FYCO1: variants seen among roughly 807,000 people sequenced by gnomAD.
FYCO1 encodes FYVE and coiled-coil domain autophagy adaptor 1.
In FYCO1, 122 loss-of-function variants were observed where a neutral mutation model predicts 165.1. The ratio of observed to expected loss-of-function variants is 0.74; its 90% CI spans 0.64 to 0.86. FYCO1 has a LOEUF of 0.86. Among genes scored for constraint, FYCO1 ranks in the 40% least tolerant of loss-of-function variants. The pLI, the probability that FYCO1 is intolerant of heterozygous loss-of-function variation, is 0.00. For missense variants in FYCO1, 1,702 were observed against 1,810.3 expected, an observed-to-expected ratio of 0.94 and a Z score of 1.09; for synonymous variants, 648 against 742.5, an observed-to-expected ratio of 0.87 and a Z score of 2.07.
chr3:45,975,156 G>A, intron 5 of FYCO1, 83 bp downstream of exon 5: 1 of 928,430 alleles, frequency 1.1e-6, no homozygotes, highest in African/African-American at 1.6e-5. Flanking sequence ...GAGCACTACT[G>A]TTGCAGCTGT....
intron 1 of FYCO1, among the ~76,000 whole-genome samples, chr3:45,992,487 G>A (rs913467082): frequency 6.6e-6 from 1 of 152,182 alleles, no homozygotes; most frequent in Non-Finnish European, 1.5e-5. Context: ...GACTAGTTAC[G>A]TGAACTTTCC....
At chr3:45,946,898 C>T in intron 14 of FYCO1, 2 of 1,614,246 alleles carry the variant, frequency 1.2e-6, no homozygotes, top group Non-Finnish European at 1.7e-6. Context: ...AGGCCTACAA[C>T]CAGCAAGCCA....
intron 14 of FYCO1, among the ~76,000 whole-genome samples, chr3:45,937,095 G>A (rs1357753080): frequency 2.0e-5 from 3 of 152,214 alleles, no homozygotes; most frequent in Non-Finnish European, 4.4e-5. Flanking sequence ...CAGAACTGGA[G>A]CCAGAACTAG....
intron 14 of FYCO1, among the ~76,000 whole-genome samples, chr3:45,941,901 G>A (rs780930373): frequency 1.3e-5 from 2 of 152,212 alleles, no homozygotes; most frequent in South Asian, 4.1e-4. Flanking sequence ...GTCAGGCAGG[G>A]TTACATTAAA....
At position 45,966,507 on chromosome 3, in the gene FYCO1, C is replaced by A; in HGVS notation, c.2827G>T (p.Glu943Ter). 6.2e-7 allele frequency: 1 copy of A among 1,612,876 alleles called. No homozygotes were observed. The highest frequency in any genetic ancestry group is 8.5e-7 in the Non-Finnish European group (1 of 1,178,954). Residue 943 changes from glutamate to a stop codon, truncating the protein, a stop_gained, in exon 8 of 18, where the codon GAG becomes TAG. Transcript: ENST00000296137. LOFTEE classifies it high-confidence loss of function. ...LQDAKEAASREREGLERQVAG... is the reference protein window; with the variant it reads ...LQDAKEAASR ...ACTTGGCGCTCCAGGCCCTCTCGCT[C>A]CCTTGAGGCTGCCTCTTTGGCGTCC...
At chr3:45,952,896 G>A (rs58460482) in intron 14 of FYCO1, among the ~76,000 whole-genome samples, 13,768 of 152,190 alleles carry the variant, frequency 0.09, 2,165 homozygotes, top group African/African-American at 0.32. Flanking sequence ...CTAGTGGAAT[G>A]GAACATGCCC....
chr3:45,921,816 A>G lies in FYCO1; in HGVS notation c.4386T>C (p.Tyr1462=). 1 of 1,612,732 alleles carries G rather than the reference A, an allele frequency of 6.2e-7. No individual in the cohort carries two copies. Among genetic ancestry groups the G allele is most frequent in the Non-Finnish European group, 8.5e-7 (1 of 1,178,688 alleles). ...TCACAGGCCGATCAACCGTCAAGTG[A>G]TAAAATACCTTTTTAGAGACAAACC... ...FSRFVSKKVF[Y]HLTVDRPVIY... Residue 1462 remains tyrosine, a synonymous_variant, in exon 18 of 18, where the codon TAT becomes TAC. Transcript: ENST00000296137.
intron 4 of FYCO1, 81 bp from the exon 5 acceptor site, chr3:45,975,426 A>G: frequency 9.2e-7 from 1 of 1,086,018 alleles, no homozygotes; most frequent in South Asian, 1.3e-5. Flanking sequence ...ATGGCTTGTG[A>G]AACACAGATA....
Position 45,967,970 on chromosome 3 carries a change from A to G in FYCO1, c.1364T>C (p.Leu455Pro). 2 of 1,613,998 alleles carry G rather than the reference A, an allele frequency of 1.2e-6. No homozygotes were observed. Among genetic ancestry groups the G allele is most frequent in the Middle Eastern group, 1.6e-4 (1 of 6,062 alleles). ...LERLVKEMAP[L>P]QEELSGKGQE... ...TCCCTTCCCAGACAACTCCTCCTGG[A>G]GTGGGGCCATCTCCTTCACCAGGCG... The change falls in exon 8 of 18, where the codon CTC (leucine) becomes CCC (proline). Residue 455 changes from leucine (L) to proline (P), a missense_variant. By Grantham distance (98) the Leu-to-Pro change is moderately conservative. Transcript: ENST00000296137.
At position 45,968,649 on chromosome 3, in the gene FYCO1, A is replaced by G; in HGVS notation, c.685T>C (p.Leu229=). The G allele has an allele frequency of 6.2e-7, 1 of 1,614,036 alleles. No homozygotes were observed. The highest frequency in any genetic ancestry group is 8.5e-7 in the Non-Finnish European group (1 of 1,180,002). The change falls in exon 8 of 18, where the codon TTG becomes CTG. Residue 229 remains leucine, a synonymous_variant. Transcript: ENST00000296137. Reference sequence around the variant, plus strand: ...AGTCGCATCTCATCAAAGCCCTCCAATGCCTCGTTGTTTAGGGGGCTGTTC... The same window carrying G: ...AGTCGCATCTCATCAAAGCCCTCCAGTGCCTCGTTGTTTAGGGGGCTGTTC... ...DLNSPLNNEA[L]EGFDEMRLEL... is the part of the protein sequence containing the mutation.
intron 14 of FYCO1, chr3:45,946,973 G>A: frequency 6.2e-7 from 1 of 1,614,178 alleles, no homozygotes; most frequent in Non-Finnish European, 8.5e-7. Flanking sequence ...TGGTTTCCTT[G>A]CCCCAAATTA....
chr3:45,994,171 G>C (rs1215578112), intron 1 of FYCO1, among the ~76,000 whole-genome samples: 4 of 150,224 alleles, frequency 2.7e-5, no homozygotes, highest in African/African-American at 9.8e-5. Flanking sequence ...CGGAACAACA[G>C]CTAAAGGATC....
At position 45,981,286 on chromosome 3, in the gene FYCO1, A is replaced by T. The variant is rs372067752; in HGVS notation, c.162+284T>A. 4.1e-4 allele frequency among the ~76,000 whole-genome samples: 63 copies of T among 152,324 alleles called. No individual in the cohort carries two copies. The East Asian group carries it at 5.0e-3, about 12-fold the overall frequency. ...GGTATGTAACTGTCCCAAAGTTAAG[A>T]TCTTTGCCATACAGTAACCTTCTGA... On this transcript the variant is annotated intron_variant, in intron 3 of 17. Coordinates refer to ENST00000296137, the MANE Select transcript of FYCO1 (RefSeq NM_024513.4).
chr3:45,990,190 T>C (rs967094133), intron 1 of FYCO1, among the ~76,000 whole-genome samples: 4 of 152,160 alleles, frequency 2.6e-5, no homozygotes, highest in East Asian at 1.9e-4. Flanking sequence ...AACATGGCCT[T>C]GAGGAAGCAG....
chr3:45,964,484 C>T lies in FYCO1; in HGVS notation c.3151-30G>A. ...CACAGGACGTCAGGGAGAAGACACTCAGCTTGCAGAAGGCCATGCAACGTA... is the reference window on the plus strand; with the variant it reads ...CACAGGACGTCAGGGAGAAGACACTTAGCTTGCAGAAGGCCATGCAACGTA... On this transcript the variant is annotated intron_variant, in intron 9 of 17. Transcript: ENST00000296137. This position sits in a 1 kb window ranked among gnomAD's most constrained non-coding sequence, Gnocchi z 4.1. The T allele has an allele frequency of 6.2e-7, 1 of 1,613,056 alleles. No individual in the cohort carries two copies. The highest frequency in any genetic ancestry group is 1.1e-5 in the South Asian group (1 of 90,918).
chr3:45,918,072 G>C lies in FYCO1; in HGVS notation c.*3693C>G, dbSNP rs942206087. 2 of 152,594 alleles carry C rather than the reference G, an allele frequency of 1.3e-5. No individual in the cohort carries two copies. Among genetic ancestry groups the C allele is most frequent in the Admixed American group, 6.5e-5 (1 of 15,282 alleles). The allele number at this position is 152,594 out of a possible 1,614,324, so 9.5% of individuals were successfully genotyped here. A position where few individuals can be genotyped will look rare whatever the true frequency, so the allele number is the denominator to read the frequency against. On this transcript the variant is annotated 3_prime_UTR_variant, in exon 18 of 18. Coordinates refer to ENST00000296137, the MANE Select transcript of FYCO1 (RefSeq NM_024513.4). ...TGTGCTTCTAGATAATTCTTTGGCAGATAAGAATGAATTGGGGTCCCAGAC... is the reference window on the plus strand; with the variant it reads ...TGTGCTTCTAGATAATTCTTTGGCACATAAGAATGAATTGGGGTCCCAGAC...
At chr3:45,928,073 AG>A (rs1297270079) in intron 16 of FYCO1, among the ~76,000 whole-genome samples, 1 of 152,210 alleles carries the variant, frequency 6.6e-6, no homozygotes, top group African/African-American at 2.4e-5. Context: ...AAAATAGATT[AG>A]TGGTCACTGG....
At position 45,921,594 on chromosome 3, in the gene FYCO1, C is replaced by T. The variant is rs1368200580; in HGVS notation, c.*171G>A. The T allele has an allele frequency of 2.0e-5, 13 of 648,230 alleles. No homozygotes were observed. Among genetic ancestry groups the T allele is most frequent in the African/African-American group, 3.6e-5 (2 of 55,500 alleles). The allele number at this position is 648,230 out of a possible 1,614,324, so 40.2% of individuals were successfully genotyped here. ...CAACGCCTCGGGGGCTAAGAGTGGC[C>T]GGTGCAGAGTGCTGAGCACAAAGTC... is the stretch of plus-strand genomic sequence containing the variant. On this transcript the variant is annotated 3_prime_UTR_variant, in exon 18 of 18. Transcript: ENST00000296137.
At position 45,966,609 on chromosome 3, in the gene FYCO1, C is replaced by T; in HGVS notation, c.2725G>A (p.Gly909Ser). 1 of 1,614,202 alleles carries T rather than the reference C, an allele frequency of 6.2e-7. No individual in the cohort carries two copies. Among genetic ancestry groups the T allele is most frequent in the Non-Finnish European group, 8.5e-7 (1 of 1,180,052 alleles). The change falls in exon 8 of 18, where the codon GGC becomes AGC. Residue 909 changes from glycine to serine, a missense_variant. Physicochemically the swap from Gly to Ser is moderately conservative, Grantham distance 56. Transcript: ENST00000296137. The part of the protein sequence containing the change: ...HRANTDTAEL[G>S]IQVCALTVEK... ...ACGGTCAGTGCGCAAACCTGGATGC[C>T]CAGCTCAGCTGTGTCTGTGTTGGCC...
Sources: gnomAD v4.1 joint callset for allele counts (sites outside exome capture counted in the v4.1 genomes callset) on GRCh38, gnomAD v4.1.1 for gene constraint, Gnocchi (gnomAD v3.1) non-coding constraint, MANE v1.5 for transcripts, NCBI Gene and HGNC (gene_info 2026-07-23, HGNC 2026-07-21) for gene names.